Variants in SLC4A4 observed in about 807,000 individuals in gnomAD.
SLC4A4 encodes electrogenic sodium bicarbonate cotransporter 1.
A neutral mutation model predicts 111.5 loss-of-function variants in SLC4A4; 27 were observed. That is an observed-to-expected ratio of 0.24 (90% CI 0.18 to 0.33). SLC4A4 has a LOEUF of 0.33. SLC4A4 is among the 10% of genes least tolerant of loss of function. The pLI is 1.00. For synonymous variants in SLC4A4, 443 were observed against 463.4 expected (o/e 0.96, Z 0.57); for missense variants, 909 against 1,315.5 (o/e 0.69, Z 4.78).
At chr4:71,500,030 A>C in intron 16 of SLC4A4, among the ~76,000 whole-genome samples, 1 of 152,096 alleles carries the variant, frequency 6.6e-6, no homozygotes. Context: ...GGCTGTTCTA[A>C]TTTACATTCC....
rs534465393 is a variant in SLC4A4, at chr4:71,312,293, CA to C, written c.254-27070del. ...AGGCAGTAATTAATAGCCTGCAAACCAAAAAAAGCCCAGGACCTGACGGATT... is the reference window on the plus strand; with the variant it reads ...AGGCAGTAATTAATAGCCTGCAAACCAAAAAAGCCCAGGACCTGACGGATT... On this transcript the variant is annotated intron_variant, in intron 3 of 25. Coordinates refer to ENST00000264485, the MANE Select transcript of SLC4A4 (RefSeq NM_001098484.3). Among the ~76,000 whole-genome samples, 621 of 151,964 alleles carry C rather than the reference CA, an allele frequency of 4.1e-3. 3 individuals carry two copies. Among genetic ancestry groups the C allele is most frequent in the Non-Finnish European group, 5.8e-3 (395 of 67,940 alleles).
At chr4:71,444,916 T>A (rs548287509) in intron 8 of SLC4A4, among the ~76,000 whole-genome samples, 3 of 152,294 alleles carry the variant, frequency 2.0e-5, no homozygotes, top group Non-Finnish European at 4.4e-5. Flanking sequence ...GGAGGCAGAT[T>A]TACTGAATTA....
At chr4:71,358,633 C>A (rs1730494825) in intron 6 of SLC4A4, among the ~76,000 whole-genome samples, 1 of 152,056 alleles carries the variant, frequency 6.6e-6, no homozygotes, top group Non-Finnish European at 1.5e-5. Context: ...ATTTCTACTA[C>A]AGTTTGATGG....
rs137982737 is a variant in SLC4A4 at position 71,092,052 on chromosome 4, T to C, written c.-64-678T>C. Among the ~76,000 whole-genome samples, 26 of 152,346 alleles carry C rather than the reference T, an allele frequency of 1.7e-4. No individual in the cohort carries two copies. The East Asian group carries it at 5.0e-3, about 29-fold the overall frequency. On this transcript the variant is annotated intron_variant, in intron 1 of 26. Coordinates refer to the SLC4A4 transcript ENST00000649996. The stretch of plus-strand genomic sequence containing the variant: ...TCCTTTGTGGTATCAAGTACCAGAC[T>C]CTGTGTTACCAGACTAGTAACACAT...
chr4:71,071,531 A>C (rs1049671663), intron 1 of SLC4A4, among the ~76,000 whole-genome samples: 2 of 152,200 alleles, frequency 1.3e-5, no homozygotes, highest in African/African-American at 4.8e-5. Context: ...CTATAAATGA[A>C]TATAATTGAA....
intron 20 of SLC4A4, among the ~76,000 whole-genome samples, chr4:71,552,107 T>A (rs541413763): frequency 6.6e-6 from 1 of 152,034 alleles, no homozygotes; most frequent in African/African-American, 2.4e-5. Flanking sequence ...GTCTTCATGA[T>A]AATTATGACA....
intron 6 of SLC4A4, among the ~76,000 whole-genome samples, chr4:71,368,717 T>C (rs1351747890): frequency 1.3e-5 from 2 of 152,224 alleles, no homozygotes; most frequent in African/African-American, 4.8e-5. Context: ...TAGTGTTTAT[T>C]ATGTAAATCT....
At chr4:71,563,123 T>C (rs1052345022) in intron 23 of SLC4A4, among the ~76,000 whole-genome samples, 2 of 151,800 alleles carry the variant, frequency 1.3e-5, no homozygotes, top group Non-Finnish European at 2.9e-5. Flanking sequence ...AGCTGCCTGG[T>C]TTTGTCATTT....
chr4:71,462,137 A>G (rs1726890477), intron 12 of SLC4A4, among the ~76,000 whole-genome samples: 1 of 152,172 alleles, frequency 6.6e-6, no homozygotes, highest in African/African-American at 2.4e-5. Flanking sequence ...AGGTGGTGAA[A>G]AGCAGCCAAG....
chr4:71,316,816 G>C (rs1056755817), intron 3 of SLC4A4, among the ~76,000 whole-genome samples: 2 of 152,030 alleles, frequency 1.3e-5, no homozygotes, highest in South Asian at 4.1e-4. Context: ...TTGGTTTTCT[G>C]TTCCTGCGTT....
chr4:71,193,943 TG>T (rs1745870615), intron 1 of SLC4A4, among the ~76,000 whole-genome samples: 1 of 152,200 alleles, frequency 6.6e-6, no homozygotes, highest in Non-Finnish European at 1.5e-5. Context: ...GATGATAGTC[TG>T]GATCTTCGAA....
intron 1 of SLC4A4, among the ~76,000 whole-genome samples, chr4:71,074,832 AC>A (rs1389498222): frequency 6.6e-6 from 1 of 152,222 alleles, no homozygotes; most frequent in African/African-American, 2.4e-5. Context: ...CTCAGCAGGG[AC>A]TGCTAAAAAT....
At position 71,128,634 on chromosome 4, in the gene SLC4A4, G is replaced by A. The variant is rs114591337; in HGVS notation, c.-2+35842G>A. 8.6e-3 allele frequency among the ~76,000 whole-genome samples: 1,315 copies of A among 152,180 alleles called. 21 individuals carry two copies. The highest frequency in any genetic ancestry group is 0.03 in the African/African-American group (1,254 of 41,514). On this transcript the variant is annotated intron_variant, in intron 2 of 26. Coordinates refer to the SLC4A4 transcript ENST00000649996. Reference sequence around the variant, plus strand: ...CTCCCAAGTAGCTGAGATTATGGGTGTGAACCACCGTGCCAAGCTAATTTT... The same window carrying A: ...CTCCCAAGTAGCTGAGATTATGGGTATGAACCACCGTGCCAAGCTAATTTT...
intron 2 of SLC4A4, among the ~76,000 whole-genome samples, chr4:71,239,095 T>C (rs1049842800): frequency 1.1e-4 from 17 of 152,222 alleles, no homozygotes; most frequent in African/African-American, 3.9e-4. Context: ...GGCACATTTA[T>C]GGCAGAAGTG....
intron 2 of SLC4A4, among the ~76,000 whole-genome samples, chr4:71,154,656 G>A (rs1044029903): frequency 6.6e-6 from 1 of 152,110 alleles, no homozygotes; most frequent in Non-Finnish European, 1.5e-5. Flanking sequence ...AATAAATATT[G>A]TAAGTATTAA....
chr4:71,246,938 G>A (rs886692249), intron 2 of SLC4A4, among the ~76,000 whole-genome samples: 6 of 151,990 alleles, frequency 3.9e-5, no homozygotes, highest in African/African-American at 1.2e-4. Flanking sequence ...GTGATTTTTA[G>A]GCCACTTTAA....
chr4:71,147,154 A>G (rs1288107020), intron 2 of SLC4A4, among the ~76,000 whole-genome samples: 2 of 152,344 alleles, frequency 1.3e-5, no homozygotes, highest in Non-Finnish European at 2.9e-5. Flanking sequence ...GCCATTACAT[A>G]ATGGTAAACA....
In SLC4A4 at chr4:71,567,718, G is replaced by A; in HGVS notation, c.*37-70G>A. The A allele has an allele frequency of 7.2e-6, 5 of 695,590 alleles. No individual in the cohort carries two copies. The South Asian group carries it at 9.3e-5, about 13-fold the overall frequency. The allele number at this position is 695,590 out of a possible 1,614,324, so 43.1% of individuals were successfully genotyped here. On this transcript the variant is annotated intron_variant, in intron 25 of 25. Coordinates refer to ENST00000264485, the MANE Select transcript of SLC4A4 (RefSeq NM_001098484.3). ...AGGACACATTTGACTTCTATACAAT[G>A]CATAAACATTTGACAGATGATGAAG...
At chr4:71,386,093 A>G (rs1424110489) in intron 6 of SLC4A4, among the ~76,000 whole-genome samples, 1 of 150,886 alleles carries the variant, frequency 6.6e-6, no homozygotes. Context: ...AGAATTCTTT[A>G]TTGAAGACAA....
Sources: allele counts gnomAD v4.1 joint callset (sites outside exome capture counted in the v4.1 genomes callset), GRCh38; gene constraint gnomAD v4.1.1; transcripts MANE v1.5; gene names NCBI Gene and HGNC (gene_info 2026-07-23, HGNC 2026-07-21).